MAST4: variants seen among roughly 807,000 people sequenced by gnomAD.
The protein encoded by MAST4 is microtubule associated serine/threonine kinase family member 4.
A neutral mutation model predicts 162.7 loss-of-function variants in MAST4; 89 were observed. That is an observed-to-expected ratio of 0.55 (90% CI 0.46 to 0.65). The LOEUF (loss-of-function observed/expected upper bound fraction) is 0.65. Among genes scored for constraint, MAST4 ranks in the 30% least tolerant of loss-of-function variants. MAST4 has a pLI of 0.00. For synonymous variants in MAST4, 1,479 were observed against 1,361.1 expected (o/e 1.09, Z -1.91); for missense variants, 3,153 against 3,374.0 (o/e 0.93, Z 1.62).
At chr5:66,835,604 T>G (rs1757910767) in intron 3 of MAST4, among the ~76,000 whole-genome samples, 1 of 152,128 alleles carries the variant, frequency 6.6e-6, no homozygotes, top group African/African-American at 2.4e-5. Context: ...CTAGATAAAC[T>G]ATAAAAATTG....
chr5:66,693,635 A>G (rs1225450965), intron 1 of MAST4, among the ~76,000 whole-genome samples: 3 of 152,164 alleles, frequency 2.0e-5, no homozygotes, highest in African/African-American at 7.2e-5. Flanking sequence ...ATAAAGTGCT[A>G]GATGCCATCA....
chr5:66,935,597 T>A (rs1194511759), intron 4 of MAST4, among the ~76,000 whole-genome samples: 1 of 152,092 alleles, frequency 6.6e-6, no homozygotes, highest in East Asian at 1.9e-4. Context: ...TGTAGCTGCA[T>A]TTGCCACCAT....
intron 3 of MAST4, among the ~76,000 whole-genome samples, chr5:66,826,848 A>G (rs1757286415): frequency 6.6e-6 from 1 of 152,170 alleles, no homozygotes; most frequent in Admixed American, 6.5e-5. Flanking sequence ...TAAGCTGGTA[A>G]ATATATTCGG....
At chr5:67,120,363 G>A (rs1273337858) in intron 13 of MAST4, among the ~76,000 whole-genome samples, 1 of 152,328 alleles carries the variant, frequency 6.6e-6, no homozygotes, top group South Asian at 2.1e-4. Context: ...CTTGCAGAGG[G>A]GAGCAAAGAG....
intron 5 of MAST4, among the ~76,000 whole-genome samples, chr5:67,080,954 ATATATAATTGTATATAT>A (rs983748943): frequency 7.3e-6 from 1 of 136,340 alleles, no homozygotes; most frequent in Non-Finnish European, 1.5e-5. Flanking sequence ...ATATAATATA[ATATATAATTGTATATAT>A]TATATAATAT....
At chr5:66,958,167 GAGAGAA>G (rs1461676143) in intron 4 of MAST4, among the ~76,000 whole-genome samples, 50 of 152,274 alleles carry the variant, frequency 3.3e-4, no homozygotes, top group Middle Eastern at 3.4e-3. Context: ...GAGAGAAAGA[GAGAGAA>G]AGAGAAAGAG....
chr5:67,146,718 G>A (rs1037353665), intron 23 of MAST4, among the ~76,000 whole-genome samples: 2 of 152,094 alleles, frequency 1.3e-5, no homozygotes, highest in African/African-American at 4.8e-5. Context: ...AATAATGTTG[G>A]ATTTTCTTCT....
rs149335071 is a variant in MAST4, at chr5:67,030,845, C to A, written c.675-23559C>A. 2.4e-4 allele frequency among the ~76,000 whole-genome samples: 37 copies of A among 152,160 alleles called. 1 individual carries two copies. In the East Asian group the frequency reaches 6.0e-3, roughly 25 times the overall value. On this transcript the variant is annotated intron_variant, in intron 4 of 28. Coordinates refer to ENST00000403625, the MANE Select transcript of MAST4 (RefSeq NM_001164664.2). ...TATGTTTTTATTTAGTATTTTAGTGCAATAGAACATTGTGCTAAAGAGGCC... is the reference window on the plus strand; with the variant it reads ...TATGTTTTTATTTAGTATTTTAGTGAAATAGAACATTGTGCTAAAGAGGCC...
rs943328829 is a variant in MAST4, at chr5:67,054,419, C to T, written c.690C>T (p.Asn230=). The T allele has an allele frequency of 6.2e-7, 1 of 1,606,626 alleles. No individual in the cohort carries two copies. Among genetic ancestry groups the T allele is most frequent in the Non-Finnish European group, 8.5e-7 (1 of 1,176,748 alleles). The part of the protein sequence containing the change: ...PRRGSFCRTS[N]RKSLIGNGQS... ...TTTTTGATAGTTGCCGAACAAGCAA[C>T]CGGAAAAGCTTAATAGGCAATGGGC... The change falls in exon 5 of 29, where the codon AAC becomes AAT. Residue 230 remains asparagine, a synonymous_variant. Transcript: ENST00000403625.
chr5:66,783,744 G>T (rs1253958732), intron 2 of MAST4, among the ~76,000 whole-genome samples: 1 of 152,122 alleles, frequency 6.6e-6, no homozygotes, highest in South Asian at 2.1e-4. Flanking sequence ...TGGCATGCAT[G>T]CTTGTTCTCA....
chr5:66,852,830 C>T (rs1759412292), intron 3 of MAST4, among the ~76,000 whole-genome samples: 2 of 152,048 alleles, frequency 1.3e-5, no homozygotes, highest in Non-Finnish European at 1.5e-5. Context: ...TATCTTCCCT[C>T]CCTAAATAGA....
chr5:66,712,491 T>C (rs998375407), intron 1 of MAST4, among the ~76,000 whole-genome samples: 4 of 152,202 alleles, frequency 2.6e-5, no homozygotes, highest in African/African-American at 7.2e-5. Flanking sequence ...AAAAGACTTA[T>C]TTGTCTTATT....
intron 4 of MAST4, among the ~76,000 whole-genome samples, chr5:66,997,148 ATATATC>A (rs1445489270): frequency 6.6e-6 from 1 of 152,052 alleles, no homozygotes; most frequent in African/African-American, 2.4e-5. Flanking sequence ...TATAATTCAA[ATATATC>A]TATGTATATA....
In MAST4 at chr5:67,165,434, G is replaced by C. The variant is rs373958854; in HGVS notation, c.6255G>C (p.Ala2085=). 31 of 1,613,776 alleles carry C rather than the reference G, an allele frequency of 1.9e-5. No individual in the cohort carries two copies. Among genetic ancestry groups the C allele is most frequent in the African/African-American group, 2.7e-5 (2 of 74,928 alleles). Residue 2085 remains alanine (A), a synonymous_variant, in exon 29 of 29, where the codon GCG becomes GCC. Transcript: ENST00000403625. ...GTGGCGTGGAACCCAAGCCCGAAGC[G>C]CTTCTTGCCAGGCGGTCTCTGCAGC... ...VRRGVEPKPE[A]LLARRSLQPP...
At chr5:67,149,052 G>A (rs1400728439) in intron 23 of MAST4, among the ~76,000 whole-genome samples, 1 of 152,102 alleles carries the variant, frequency 6.6e-6, no homozygotes, top group Non-Finnish European at 1.5e-5. Flanking sequence ...GGGGGGGGTA[G>A]GGGCACCAGA....
chr5:66,853,925 C>T (rs759914912), intron 3 of MAST4, among the ~76,000 whole-genome samples: 1 of 152,038 alleles, frequency 6.6e-6, no homozygotes, highest in Non-Finnish European at 1.5e-5. Context: ...CTTAAAGGGT[C>T]AGTAGAAATT....
At chr5:66,633,717 G>T (rs1435818776) in intron 1 of MAST4, among the ~76,000 whole-genome samples, 2 of 152,120 alleles carry the variant, frequency 1.3e-5, no homozygotes, top group Non-Finnish European at 2.9e-5. Context: ...TTCCAACTAG[G>T]TTACCCACCT....
At position 66,835,234 on chromosome 5, in the gene MAST4, T is replaced by C. The variant is rs552408300; in HGVS notation, c.642+46440T>C. The stretch of plus-strand genomic sequence containing the variant: ...TCTTATATTAGGCCCACATAATAAA[T>C]TAGCTTAGAATTCAGCACTAAAAAA... On this transcript the variant is annotated intron_variant, in intron 3 of 28. Coordinates refer to ENST00000403625, the MANE Select transcript of MAST4 (RefSeq NM_001164664.2). 1.5e-3 allele frequency among the ~76,000 whole-genome samples: 235 copies of C among 152,322 alleles called. 1 individual carries two copies. The highest frequency in any genetic ancestry group is 2.4e-3 in the Admixed American group (37 of 15,280).
chr5:67,027,308 T>A (rs1481061209), intron 4 of MAST4, among the ~76,000 whole-genome samples: 2 of 152,170 alleles, frequency 1.3e-5, no homozygotes, highest in African/African-American at 4.8e-5. Flanking sequence ...TACAGATGTT[T>A]TTTATTCTCA....
Sources: allele counts gnomAD v4.1 joint callset (sites outside exome capture counted in the v4.1 genomes callset), GRCh38; gene constraint gnomAD v4.1.1; transcripts MANE v1.5; gene names NCBI Gene and HGNC (gene_info 2026-07-23, HGNC 2026-07-21).